CFLAR: variants seen among roughly 807,000 people sequenced by gnomAD.
CFLAR encodes the protein CASP8 and FADD-like apoptosis regulator.
CFLAR carries 14 observed loss-of-function variants against 51.1 expected under a neutral mutation model. The ratio of observed to expected loss-of-function variants is 0.27; its 90% confidence interval spans 0.18 to 0.43. CFLAR has a LOEUF of 0.43. CFLAR is among the 20% of genes least tolerant of loss of function. CFLAR has a pLI of 1.00. For missense variants in CFLAR, 390 were observed against 566.5 expected, an observed-to-expected ratio of 0.69 and a Z score of 3.16; for synonymous variants, 210 against 211.6, an observed-to-expected ratio of 0.99 and a Z score of 0.06.
At chr2:201,129,573 C>A in intron 1 of CFLAR, 156 bp from the exon 2 acceptor site, 1 of 425,692 alleles carries the variant, frequency 2.3e-6, no homozygotes, top group Non-Finnish European at 4.1e-6. Flanking sequence ...TTCTGTCTAC[C>A]AAGGATCCCT....
chr2:201,155,043 A>G (rs1187979273), intron 8 of CFLAR, among the ~76,000 whole-genome samples: 1 of 152,228 alleles, frequency 6.6e-6, no homozygotes, highest in Admixed American at 6.5e-5. Flanking sequence ...ATTGAAAAAT[A>G]AGTCTTTGGT....
intron 1 of CFLAR, chr2:201,117,221 G>A (rs1446938586): frequency 6.6e-6 from 1 of 152,146 alleles, no homozygotes; most frequent in Non-Finnish European, 1.5e-5. Context: ...GGAAAGCTGG[G>A]AATGCTTGGC....
chr2:201,167,332 C>T lies in CFLAR; in HGVS notation c.*3359C>T. On this transcript the variant is annotated 3_prime_UTR_variant, in exon 10 of 10. Coordinates refer to ENST00000309955, the MANE Select transcript of CFLAR (RefSeq NM_003879.7). ...CAGCCTGGGCAACATAGCAAGACTC[C>T]ATCTCTACAAAAAAAGACAAAATTT... 1 of 152,864 alleles carries T rather than the reference C, an allele frequency of 6.5e-6. No individual in the cohort carries two copies. The highest frequency in any genetic ancestry group is 1.5e-5 in the Non-Finnish European group (1 of 68,620). The allele number at this position is 152,864 out of a possible 1,614,324, so 9.5% of individuals were successfully genotyped here.
intron 6 of CFLAR, chr2:201,145,641 C>A (rs1939982959): frequency 2.0e-6 from 1 of 501,206 alleles, no homozygotes; most frequent in Non-Finnish European, 3.5e-6. Context: ...CCATCGTACT[C>A]CATCAGCTTC....
At chr2:201,125,161 A>G (rs185890077) in intron 1 of CFLAR, among the ~76,000 whole-genome samples, 40 of 152,352 alleles carry the variant, frequency 2.6e-4, no homozygotes, top group Admixed American at 2.2e-3. Flanking sequence ...AAATAAAGAC[A>G]GCGTCAGTAT....
At chr2:201,127,901 A>C (rs1287027695) in intron 1 of CFLAR, among the ~76,000 whole-genome samples, 1 of 152,078 alleles carries the variant, frequency 6.6e-6, no homozygotes, top group Non-Finnish European at 1.5e-5. Flanking sequence ...GAAGAAACAA[A>C]CTGAGCAGAT....
chr2:201,145,007 C>T (rs1939818255), intron 5 of CFLAR, among the ~76,000 whole-genome samples: 1 of 152,122 alleles, frequency 6.6e-6, no homozygotes, highest in South Asian at 2.1e-4. Context: ...GGCACGCCAC[C>T]ATGCCCAGCA....
At chr2:201,125,681 T>G (rs570410419) in intron 1 of CFLAR, among the ~76,000 whole-genome samples, 3 of 151,894 alleles carry the variant, frequency 2.0e-5, no homozygotes, top group Non-Finnish European at 2.9e-5. Flanking sequence ...TGTTGGAGGT[T>G]TCCCACACTC....
intron 8 of CFLAR, among the ~76,000 whole-genome samples, chr2:201,155,574 A>AT (rs371040379): frequency 5.2e-4 from 78 of 149,284 alleles, no homozygotes; most frequent in South Asian, 2.3e-3. Flanking sequence ...AAGAGGAAGT[A>AT]TTTTTTTTTT....
In CFLAR at chr2:201,144,347, T is replaced by TCTTA. The variant is rs1214131827; in HGVS notation, c.607-1028_607-1025dup. The TCTTA allele has an allele frequency of 2.0e-5, 3 of 152,262 alleles. No homozygotes were observed. The East Asian group carries it at 5.8e-4, about 29-fold the overall frequency. 9.4% of individuals were successfully genotyped at this position (152,262 alleles called of 1,614,324 possible). ...GTTTAATCTTTCATTCTCTGATTACTCTTACTCTAGCCCTCAGAAGTGGTT... is the reference window on the plus strand; with the variant it reads ...GTTTAATCTTTCATTCTCTGATTACTCTTACTTACTCTAGCCCTCAGAAGTGGTT... On this transcript the variant is annotated intron_variant, in intron 5 of 9. Coordinates refer to ENST00000309955, the MANE Select transcript of CFLAR (RefSeq NM_003879.7).
At chr2:201,132,177 G>A (rs559626366) in intron 2 of CFLAR, among the ~76,000 whole-genome samples, 2 of 151,980 alleles carry the variant, frequency 1.3e-5, no homozygotes, top group South Asian at 2.1e-4. Context: ...GAAGGGTTGC[G>A]GGGGCAGTTG....
intron 9 of CFLAR, chr2:201,163,475 C>T (rs1943257968): frequency 1.4e-5 from 16 of 1,114,698 alleles, no homozygotes; most frequent in Non-Finnish European, 1.8e-5. Flanking sequence ...TTAGTGGTGG[C>T]CCAGCAGGAA....
chr2:201,136,613 C>G (rs1445682427), intron 4 of CFLAR: 1 of 1,432,316 alleles, frequency 7.0e-7, no homozygotes, highest in Admixed American at 2.8e-5. Flanking sequence ...GCTTTACTTG[C>G]ATTCCTCATT....
chr2:201,138,137 T>G lies in CFLAR; in HGVS notation c.523+2030T>G. 1.2e-6 allele frequency: 1 copy of G among 803,560 alleles called. No individual in the cohort carries two copies. Among genetic ancestry groups the G allele is most frequent in the Non-Finnish European group, 2.2e-6 (1 of 446,656 alleles). The allele number at this position is 803,560 out of a possible 1,614,324, so 49.8% of individuals were successfully genotyped here. A position where few individuals can be genotyped will look rare whatever the true frequency, so the allele number is the denominator to read the frequency against. On this transcript the variant is annotated intron_variant, in intron 4 of 9. Transcript: ENST00000309955. This position sits in a 1 kb window ranked among gnomAD's most constrained non-coding sequence, Gnocchi z 4.0. ...ACCAGCGTCAATCAGGTTGTTGGCC[T>G]GGGCTGCTGTCACCACGTTCCCCCC...
chr2:201,159,028 C>T (rs1942663678), intron 8 of CFLAR, among the ~76,000 whole-genome samples: 1 of 151,742 alleles, frequency 6.6e-6, no homozygotes, highest in Non-Finnish European at 1.5e-5. Flanking sequence ...CAGGTGAGCA[C>T]CACCACGCCT....
intron 4 of CFLAR, 165 bp from the exon 5 acceptor site, chr2:201,140,192 G>T (rs1938333842): frequency 2.7e-6 from 2 of 748,156 alleles, no homozygotes; most frequent in South Asian, 2.1e-5. Context: ...CATTCTTCAT[G>T]ATGTTTGGTC....
In CFLAR at chr2:201,129,840, G is replaced by T. The variant is rs1490099129; in HGVS notation, c.-26G>T. The T allele has an allele frequency of 1.9e-6, 3 of 1,609,614 alleles. No homozygotes were observed. The highest frequency in any genetic ancestry group is 2.5e-6 in the Non-Finnish European group (3 of 1,177,288). On this transcript the variant is annotated 5_prime_UTR_variant, in exon 2 of 10. Coordinates refer to ENST00000309955, the MANE Select transcript of CFLAR (RefSeq NM_003879.7). ...CCCGGAGCTGTACTGCAAGACCCTTGTGAGCTTCCCTAGTCTAAGAGTAGG... is the reference window on the plus strand; with the variant it reads ...CCCGGAGCTGTACTGCAAGACCCTTTTGAGCTTCCCTAGTCTAAGAGTAGG...
chr2:201,139,241 C>T (rs1052532747), intron 4 of CFLAR: 12 of 339,660 alleles, frequency 3.5e-5, no homozygotes, highest in East Asian at 2.4e-4. Context: ...GCAGCGTGCT[C>T]GTTAAGAGTC....
rs1041231833 is a variant in CFLAR at position 201,171,595 on chromosome 2, G to T, written c.*7622G>T. ...GTTGATAGGTGCAGCAAACCACCAT[G>T]GGACACGTTTACCTATGTAACAAAC... On this transcript the variant is annotated 3_prime_UTR_variant, in exon 10 of 10. Transcript: ENST00000309955. 3 of 151,936 alleles carry T rather than the reference G, an allele frequency of 2.0e-5. No individual in the cohort carries two copies. The highest frequency in any genetic ancestry group is 7.3e-5 in the African/African-American group (3 of 41,348). The allele number at this position is 151,936 out of a possible 1,614,324, so 9.4% of individuals were successfully genotyped here.
Sources: allele counts gnomAD v4.1 joint callset (sites outside exome capture counted in the v4.1 genomes callset), GRCh38; gene constraint gnomAD v4.1.1; non-coding constraint Gnocchi (gnomAD v3.1); transcripts MANE v1.5; gene names NCBI Gene and HGNC (gene_info 2026-07-23, HGNC 2026-07-21).